The following HIRA variants were observed in gnomAD, a reference collection of about 807,000 sequenced individuals.
The protein encoded by HIRA is histone cell cycle regulator, also known as protein HIRA.
HIRA carries 13 observed loss-of-function variants against 126.6 expected under a neutral mutation model. The ratio of observed to expected loss-of-function variants is 0.10; its 90% CI spans 0.07 to 0.16. HIRA has a LOEUF of 0.16. Ranked by LOEUF, HIRA falls within the 10% of genes least tolerant of loss-of-function variation. The probability of loss-of-function intolerance (pLI) is 1.00; values close to 1 mark genes in which losing one functional copy is unlikely to be tolerated. For synonymous variants in HIRA, 511 were observed against 520.0 expected, an observed-to-expected ratio of 0.98 and a Z score of 0.24; for missense variants, 834 against 1,314.4, an observed-to-expected ratio of 0.63 and a Z score of 5.65.
intron 11 of HIRA, among the ~76,000 whole-genome samples, chr22:19,386,749 G>A (rs1474286300): frequency 6.6e-6 from 1 of 152,194 alleles, no homozygotes; most frequent in Non-Finnish European, 1.5e-5. Context: ...GTGACTCCAA[G>A]GGAGTGCATA....
At chr22:19,394,546 C>T (rs2089207479) in intron 7 of HIRA, 37 bp from the exon 8 acceptor site, 3 of 1,599,074 alleles carry the variant, frequency 1.9e-6, no homozygotes, top group Non-Finnish European at 2.6e-6. Context: ...GAGCTCAAGG[C>T]CACCTTTGTG....
chr22:19,362,505 AT>A (rs1355494941), intron 15 of HIRA, among the ~76,000 whole-genome samples: 1 of 152,158 alleles, frequency 6.6e-6, no homozygotes, highest in African/African-American at 2.4e-5. Flanking sequence ...ACTAAAAAAA[AT>A]TTTTTAAAGC....
rs2088867321 is a variant in HIRA at position 19,361,874 on chromosome 22, G to A, written c.1833C>T (p.Ser611=). 5 of 1,614,108 alleles carry A rather than the reference G, an allele frequency of 3.1e-6. No homozygotes were observed. The highest frequency in any genetic ancestry group is 2.7e-5 in the African/African-American group (2 of 74,938). ...ELRPRDLLES[S]SDSDEKVPLA... is the part of the protein sequence containing the mutation. ...AAGGGACTTTCTCATCGCTGTCACT[G>A]CTGCTCTCCAGGAGGTCTCGGGGCC... The change falls in exon 16 of 25, where the codon AGC becomes AGT. Residue 611 remains serine, a synonymous_variant. Transcript: ENST00000263208.
At chr22:19,373,378 G>A (rs548039814) in intron 15 of HIRA, among the ~76,000 whole-genome samples, 35 of 152,164 alleles carry the variant, frequency 2.3e-4, no homozygotes, top group Non-Finnish European at 4.9e-4. Flanking sequence ...AGAAACCTAA[G>A]TCTCCCAGTA....
Position 19,375,611 on chromosome 22 carries a change from G to GGAATCTACCT in HIRA, c.1775+19_1775+20insAGGTAGATTC. The stretch of plus-strand genomic sequence containing the variant: ...CCTGCACCCTGCCTGGTCCTTCAGG[G>GGAATCTACCT]TCCTGCAGCTACCACCTACCTTTCC... On this transcript the variant is annotated intron_variant, in intron 15 of 24. Transcript: ENST00000263208. 1 of 1,613,160 alleles carries GGAATCTACCT rather than the reference G, an allele frequency of 6.2e-7. No individual in the cohort carries two copies. The highest frequency in any genetic ancestry group is 8.5e-7 in the Non-Finnish European group (1 of 1,179,340).
intron 4 of HIRA, among the ~76,000 whole-genome samples, chr22:19,406,125 C>T (rs1037369316): frequency 3.3e-5 from 5 of 152,040 alleles, no homozygotes; most frequent in Non-Finnish European, 7.4e-5. Flanking sequence ...AAGAAGCAGG[C>T]CACAGGACAT....
chr22:19,418,925 AACACACAC>A (rs66479451), intron 1 of HIRA, among the ~76,000 whole-genome samples: 1 of 149,972 alleles, frequency 6.7e-6, no homozygotes, highest in East Asian at 2.0e-4. Flanking sequence ...ATAAGAAATA[AACACACAC>A]ACACACACAC....
At chr22:19,420,432 C>T (rs1473109) in intron 1 of HIRA, among the ~76,000 whole-genome samples, 95,801 of 140,768 alleles carry the variant, frequency 0.68, 32,595 homozygotes, top group South Asian at 0.77. Context: ...CGCCACTGCA[C>T]TGCAGCCTGG....
At chr22:19,356,171 A>G in intron 20 of HIRA, 59 bp downstream of exon 20, 1 of 1,492,376 alleles carries the variant, frequency 6.7e-7, no homozygotes, top group Non-Finnish European at 9.4e-7. Flanking sequence ...GCCCTTCTGC[A>G]GCATCAGACA....
intron 9 of HIRA, among the ~76,000 whole-genome samples, chr22:19,391,620 A>G (rs2146225262): frequency 6.6e-6 from 1 of 151,794 alleles, no homozygotes; most frequent in South Asian, 2.1e-4. Context: ...AGCTGGGACT[A>G]CAGGCGCCCA....
Position 19,389,184 on chromosome 22 carries a change from G to A in HIRA, c.937-630C>T, listed in dbSNP as rs191657836. ...AATTTATTTTATTCTTCATAGTTGTGTCTGTTTTTTCATTTAACACACAAT... is the reference window on the plus strand; with the variant it reads ...AATTTATTTTATTCTTCATAGTTGTATCTGTTTTTTCATTTAACACACAAT... On this transcript the variant is annotated intron_variant, in intron 9 of 24. Coordinates refer to ENST00000263208, the MANE Select transcript of HIRA (RefSeq NM_003325.4). Among the ~76,000 whole-genome samples the A allele has an allele frequency of 6.9e-4, 105 of 152,232 alleles. 2 individuals carry two copies. Among genetic ancestry groups the A allele is most frequent in the Admixed American group, 6.9e-3 (105 of 15,290 alleles).
In HIRA at chr22:19,377,960, T is replaced by A; in HGVS notation, c.1522A>T (p.Thr508Ser). 6.2e-7 allele frequency: 1 copy of A among 1,613,868 alleles called. No individual in the cohort carries two copies. The highest frequency in any genetic ancestry group is 1.1e-5 in the South Asian group (1 of 91,048). Residue 508 changes from threonine (T) to serine (S), a missense_variant, in exon 14 of 25, where the codon ACC becomes TCC. By Grantham distance (58) the Thr-to-Ser change is moderately conservative. Transcript: ENST00000263208. Reference sequence around the variant, plus strand: ...TTCGAGGCGCCGAAGGAGTTAGGGGTACTGGAGTCCAGTGGCAGTAGCTGT... The same window carrying A: ...TTCGAGGCGCCGAAGGAGTTAGGGGAACTGGAGTCCAGTGGCAGTAGCTGT... The part of the protein sequence containing the change: ...SPQLLPLDSS[T>S]PNSFGASKPC...
Position 19,392,127 on chromosome 22 carries a change from T to C in HIRA, c.910A>G (p.Ser304Gly). The C allele has an allele frequency of 6.3e-7, 1 of 1,595,190 alleles. No homozygotes were observed. The change falls in exon 9 of 25, where the codon AGC (serine) becomes GGC (glycine). Residue 304 changes from serine (S) to glycine (G), a missense_variant. Physicochemically the swap from Ser to Gly is moderately conservative, Grantham distance 56. Transcript: ENST00000263208. ...CAGACAGAAAGCGAGCGGTCCTTGC[T>C]GCCAACAGCACAGCAGCAGTACGGG... ...SCPYCCCAVG[S>G]KDRSLSVWLT...
chr22:19,374,415 A>G (rs2088998393), intron 15 of HIRA, among the ~76,000 whole-genome samples: 1 of 152,146 alleles, frequency 6.6e-6, no homozygotes, highest in Admixed American at 6.5e-5. Flanking sequence ...GGCCTCCCAA[A>G]GCATTTGGGA....
At chr22:19,384,512 T>G (rs2089106876) in intron 12 of HIRA, among the ~76,000 whole-genome samples, 1 of 151,808 alleles carries the variant, frequency 6.6e-6, no homozygotes, top group Non-Finnish European at 1.5e-5. Flanking sequence ...TACAACTAAA[T>G]AAGACACCCA....
intron 15 of HIRA, among the ~76,000 whole-genome samples, chr22:19,364,775 T>A (rs544659907): frequency 6.7e-4 from 102 of 152,296 alleles, no homozygotes; most frequent in Admixed American, 1.0e-3. Flanking sequence ...GATAACCCTA[T>A]AATGGCCTCT....
At chr22:19,395,501 C>T (rs551111179) in intron 7 of HIRA, among the ~76,000 whole-genome samples, 1 of 152,248 alleles carries the variant, frequency 6.6e-6, no homozygotes, top group East Asian at 1.9e-4. Flanking sequence ...AGCAAAAGCT[C>T]CTTAGGGCAA....
chr22:19,356,565 G>A (rs772032918), intron 19 of HIRA, among the ~76,000 whole-genome samples: 1 of 152,212 alleles, frequency 6.6e-6, no homozygotes, highest in African/African-American at 2.4e-5. Flanking sequence ...GCCACATCAG[G>A]AACATGGCCA....
intron 5 of HIRA, among the ~76,000 whole-genome samples, chr22:19,400,335 T>C (rs2089257781): frequency 6.6e-6 from 1 of 152,224 alleles, no homozygotes. Flanking sequence ...GGATTGAAAT[T>C]AATTTCTCCT....
Sources: gnomAD v4.1 joint callset for allele counts (sites outside exome capture counted in the v4.1 genomes callset) on GRCh38, gnomAD v4.1.1 for gene constraint, MANE v1.5 for transcripts, NCBI Gene and HGNC (gene_info 2026-07-23, HGNC 2026-07-21) for gene names.